Variants in NSMCE2 observed in about 807,000 individuals in gnomAD.
NSMCE2 encodes the protein E3 SUMO-protein ligase NSE2.
NSMCE2 carries 24 observed loss-of-function variants against 23.8 expected under a neutral mutation model. The ratio of observed to expected loss-of-function variants is 1.01; its 90% CI spans 0.73 to 1.42. The LOEUF is 1.42. NSMCE2 is among the 40% of genes most tolerant of loss of function. The probability of loss-of-function intolerance (pLI) is 0.00; values close to 1 mark genes in which losing one functional copy is unlikely to be tolerated. For missense variants in NSMCE2, 284 were observed against 296.5 expected (o/e 0.96, Z 0.31); for synonymous variants, 92 against 94.1 (o/e 0.98, Z 0.13).
intron 5 of NSMCE2, among the ~76,000 whole-genome samples, chr8:125,266,377 G>T (rs1206760251): frequency 6.6e-6 from 1 of 152,162 alleles, no homozygotes; most frequent in Admixed American, 6.5e-5. Context: ...GAATTCAGTG[G>T]CATGTCTTAT....
At chr8:125,140,008 G>T (rs1200776621) in intron 3 of NSMCE2, among the ~76,000 whole-genome samples, 1 of 152,056 alleles carries the variant, frequency 6.6e-6, no homozygotes, top group African/African-American at 2.4e-5. Context: ...TTTTTAAAAG[G>T]GATGCCTTAC....
At chr8:125,285,790 A>T (rs780291071) in intron 5 of NSMCE2, among the ~76,000 whole-genome samples, 1 of 152,026 alleles carries the variant, frequency 6.6e-6, no homozygotes, top group Non-Finnish European at 1.5e-5. Context: ...AAAGCTATAC[A>T]CACAGTTGTA....
intron 3 of NSMCE2, among the ~76,000 whole-genome samples, chr8:125,140,987 T>C (rs920874659): frequency 3.9e-5 from 6 of 152,184 alleles, no homozygotes; most frequent in African/African-American, 1.2e-4. Context: ...ATTTGGAGGC[T>C]TTAGGTAGCC....
Position 125,367,099 on chromosome 8 carries a change from A to C in NSMCE2, c.*214A>C. The C allele has an allele frequency of 2.1e-6, 1 of 468,286 alleles. No individual in the cohort carries two copies. The highest frequency in any genetic ancestry group is 3.8e-6 in the Non-Finnish European group (1 of 260,276). 29.0% of individuals were successfully genotyped at this position (468,286 alleles called of 1,614,324 possible). The stretch of plus-strand genomic sequence containing the variant: ...TATTTTTAAGTGTTCTATAATGTTA[A>C]ATAAAACTTTGATCATCTGCAGTGT... On this transcript the variant is annotated 3_prime_UTR_variant, in exon 8 of 8. Coordinates refer to ENST00000287437, the MANE Select transcript of NSMCE2 (RefSeq NM_173685.4).
rs1011473624 is a variant in NSMCE2, at chr8:125,208,459, C to T, written c.418+26203C>T. 2.6e-5 allele frequency among the ~76,000 whole-genome samples: 4 copies of T among 152,094 alleles called. No individual in the cohort carries two copies. In the East Asian group the frequency reaches 7.7e-4, roughly 29 times the overall value. ...GCTTATAGCATGGGTAAAATTTATA[C>T]CCAACAAATAATTTATTAATGTACC... On this transcript the variant is annotated intron_variant, in intron 5 of 7. Coordinates refer to ENST00000287437, the MANE Select transcript of NSMCE2 (RefSeq NM_173685.4).
Position 125,208,072 on chromosome 8 carries a change from T to C in NSMCE2, c.418+25816T>C, listed in dbSNP as rs549150584. Among the ~76,000 whole-genome samples, 3 of 152,344 alleles carry C rather than the reference T, an allele frequency of 2.0e-5. No homozygotes were observed. In the South Asian group the frequency reaches 6.2e-4, roughly 32 times the overall value. On this transcript the variant is annotated intron_variant, in intron 5 of 7. Transcript: ENST00000287437. ...CAGTCAGCCATCCAGCTCATATTCATTTGTTCATTTTGAATACTCAAATAC... is the reference window on the plus strand; with the variant it reads ...CAGTCAGCCATCCAGCTCATATTCACTTGTTCATTTTGAATACTCAAATAC...
At chr8:125,241,260 T>C (rs991130728) in intron 5 of NSMCE2, among the ~76,000 whole-genome samples, 2 of 152,208 alleles carry the variant, frequency 1.3e-5, no homozygotes, top group Non-Finnish European at 2.9e-5. Context: ...CATGGGATGC[T>C]TACTATGTGC....
chr8:125,304,455 G>T (rs150598888), intron 5 of NSMCE2, among the ~76,000 whole-genome samples: 1 of 152,074 alleles, frequency 6.6e-6, no homozygotes. Flanking sequence ...AGAGAGACCC[G>T]GGGCAAGGAA....
chr8:125,335,386 GACA>G (rs1830036101), intron 5 of NSMCE2, among the ~76,000 whole-genome samples: 1 of 152,198 alleles, frequency 6.6e-6, no homozygotes, highest in South Asian at 2.1e-4. Context: ...CTGTGCGTAT[GACA>G]AAACGCACTC....
chr8:125,258,505 GCAAGCCTC>G (rs1205708334), intron 5 of NSMCE2, among the ~76,000 whole-genome samples: 1 of 152,038 alleles, frequency 6.6e-6, no homozygotes, highest in Non-Finnish European at 1.5e-5. Context: ...GGGAGAATGG[GCAAGCCTC>G]CATAGGAAAG....
intron 5 of NSMCE2, among the ~76,000 whole-genome samples, chr8:125,310,441 A>G (rs936794713): frequency 6.6e-6 from 1 of 152,216 alleles, no homozygotes; most frequent in African/African-American, 2.4e-5. Flanking sequence ...TGAGTGCCCA[A>G]TCAATTGTAG....
At position 125,130,707 on chromosome 8, in the gene NSMCE2, G is replaced by A. The variant is rs1401002463; in HGVS notation, c.158-20464G>A. On this transcript the variant is annotated intron_variant, in intron 3 of 7. Coordinates refer to ENST00000287437, the MANE Select transcript of NSMCE2 (RefSeq NM_173685.4). ...CTAATGTATGTGTACATACATACCTGTCACTTGTATGTGTATTCATCTGTA... is the reference window on the plus strand; with the variant it reads ...CTAATGTATGTGTACATACATACCTATCACTTGTATGTGTATTCATCTGTA... 2.6e-5 allele frequency among the ~76,000 whole-genome samples: 4 copies of A among 152,308 alleles called. No homozygotes were observed. In the East Asian group the frequency reaches 7.7e-4, roughly 29 times the overall value.
At chr8:125,130,687 G>A (rs1232356185) in intron 3 of NSMCE2, among the ~76,000 whole-genome samples, 3 of 152,164 alleles carry the variant, frequency 2.0e-5, no homozygotes, top group South Asian at 4.1e-4. Flanking sequence ...GTAGGCTAAT[G>A]TATGTGTACA....
At chr8:125,242,110 G>GGA (rs1563739023) in intron 5 of NSMCE2, among the ~76,000 whole-genome samples, 1 of 152,110 alleles carries the variant, frequency 6.6e-6, no homozygotes, top group African/African-American at 2.4e-5. Context: ...TAACTGGGGG[G>GGA]GGAGTTTGAG....
intron 5 of NSMCE2, among the ~76,000 whole-genome samples, chr8:125,229,651 A>G (rs1417862769): frequency 6.6e-6 from 1 of 152,238 alleles, no homozygotes; most frequent in East Asian, 1.9e-4. Context: ...GATGAAATTC[A>G]GTCTTATTCT....
intron 5 of NSMCE2, among the ~76,000 whole-genome samples, chr8:125,246,629 TG>T (rs1198853310): frequency 6.6e-6 from 1 of 152,208 alleles, no homozygotes; most frequent in African/African-American, 2.4e-5. Context: ...TGTCAAACTT[TG>T]AAGGAACACA....
intron 1 of NSMCE2, among the ~76,000 whole-genome samples, chr8:125,092,340 C>T (rs1817702471): frequency 6.6e-6 from 1 of 152,156 alleles, no homozygotes; most frequent in Admixed American, 6.5e-5. Flanking sequence ...TTATGGCATT[C>T]TGTAGGTGAC....
intron 5 of NSMCE2, among the ~76,000 whole-genome samples, chr8:125,200,381 T>C (rs1446453770): frequency 6.6e-6 from 1 of 152,184 alleles, no homozygotes; most frequent in African/African-American, 2.4e-5. Flanking sequence ...GGTGACAAAA[T>C]CTCTCAGCAT....
At chr8:125,272,658 G>T (rs1484843246) in intron 5 of NSMCE2, among the ~76,000 whole-genome samples, 1 of 126,594 alleles carries the variant, frequency 7.9e-6, no homozygotes, top group Admixed American at 7.5e-5. Context: ...AACAGTTATA[G>T]AAATTGCCTT....
Sources: allele counts gnomAD v4.1 joint callset (sites outside exome capture counted in the v4.1 genomes callset), GRCh38; gene constraint gnomAD v4.1.1; transcripts MANE v1.5; gene names NCBI Gene and HGNC (gene_info 2026-07-23, HGNC 2026-07-21).